The following MYB variants were observed in gnomAD, a reference collection of about 807,000 sequenced individuals.
MYB encodes MYB proto-oncogene, transcription factor.
MYB carries 28 observed loss-of-function variants against 92.9 expected under a neutral mutation model. That is an observed-to-expected ratio of 0.30 (90% CI 0.22 to 0.41). The LOEUF (loss-of-function observed/expected upper bound fraction) is 0.41. MYB is among the 10% of genes least tolerant of loss of function. MYB has a pLI of 1.00. For synonymous variants in MYB, 295 were observed against 329.1 expected (o/e 0.90, Z 1.12); for missense variants, 679 against 929.3 (o/e 0.73, Z 3.50).
In MYB at chr6:135,192,309, T is replaced by C. The variant is rs750122140; in HGVS notation, c.528-15T>C. 21 of 1,598,840 alleles carry C rather than the reference T, an allele frequency of 1.3e-5. No homozygotes were observed. Among genetic ancestry groups the C allele is most frequent in the Non-Finnish European group, 1.8e-5 (21 of 1,166,176 alleles). On this transcript the variant is annotated splice_polypyrimidine_tract_variant and intron_variant, in intron 5 of 15. Coordinates refer to ENST00000341911, the MANE Select transcript of MYB (RefSeq NM_001130173.2). ...ATTTTTGTTTGTGAAATTTGTGTGA[T>C]ATATTTCTGTGCAGAACTGATAATG...
chr6:135,200,873 T>G (rs921606417), intron 13 of MYB, among the ~76,000 whole-genome samples: 1 of 151,996 alleles, frequency 6.6e-6, no homozygotes, highest in African/African-American at 2.4e-5. Context: ...GGTCAGGAGT[T>G]CGAGATCATC....
In MYB at chr6:135,200,098, G is replaced by C; in HGVS notation, c.1723G>C (p.Ala575Pro). The C allele has an allele frequency of 6.2e-7, 1 of 1,613,834 alleles. No individual in the cohort carries two copies. Among genetic ancestry groups the C allele is most frequent in the Non-Finnish European group, 8.5e-7 (1 of 1,179,778 alleles). Residue 575 changes from alanine (A) to proline (P), a missense_variant, in exon 12 of 16, where the codon GCT becomes CCT. Physicochemically the swap from Ala to Pro is conservative, Grantham distance 27. Transcript: ENST00000341911. Reference sequence around the variant, plus strand: ...TTCTTTTTAAAGTTTTAGAACCCCAGCTATCAAAAGGTCAATCTTAGAAAG... The same window carrying C: ...TTCTTTTTAAAGTTTTAGAACCCCACCTATCAAAAGGTCAATCTTAGAAAG... The part of the protein sequence containing the change: ...QKENTVFRTP[A>P]IKRSILESSP...
At chr6:135,203,885 C>A (rs573125758) in intron 15 of MYB, 2 of 1,184,990 alleles carry the variant, frequency 1.7e-6, no homozygotes, top group Admixed American at 7.4e-5. Flanking sequence ...AAAGAGATTT[C>A]CCTTGTAACC....
At chr6:135,199,969 C>A in intron 11 of MYB, 116 bp from the exon 12 acceptor site, 5 of 782,940 alleles carry the variant, frequency 6.4e-6, no homozygotes, top group Middle Eastern at 2.5e-4. Context: ...CACCCCAATT[C>A]CATATCCGGA....
In MYB at chr6:135,195,833, T is replaced by C. The variant is rs1172354835; in HGVS notation, c.1034T>C (p.Val345Ala). The C allele has an allele frequency of 3.1e-6, 5 of 1,613,950 alleles. No individual in the cohort carries two copies. Among genetic ancestry groups the C allele is most frequent in the African/African-American group, 2.7e-5 (2 of 74,874 alleles). Residue 345 changes from valine to alanine, a missense_variant, in exon 9 of 16, where the codon GTT becomes GCT. Coordinates refer to ENST00000341911, the MANE Select transcript of MYB (RefSeq NM_001130173.2). The part of the protein sequence containing the change: ...HTRPHGDSAP[V>A]SCLGEHHSTP... The stretch of plus-strand genomic sequence containing the variant: ...AGACCTCATGGAGACAGTGCACCTG[T>C]TTCCTGTTTGGGAGAACACCACTCC...
At chr6:135,203,145 A>T in intron 14 of MYB, 72 bp from the exon 15 acceptor site, 1 of 1,100,206 alleles carries the variant, frequency 9.1e-7, no homozygotes, top group Non-Finnish European at 1.4e-6. Flanking sequence ...TCTACTCTCC[A>T]CAGTGTTAGA....
chr6:135,218,442 G>A lies in MYB; in HGVS notation c.*462G>A, dbSNP rs1780719856. The A allele has an allele frequency of 5.2e-6, 1 of 191,030 alleles. No homozygotes were observed. Among genetic ancestry groups the A allele is most frequent in the Non-Finnish European group, 1.1e-5 (1 of 91,148 alleles). 11.8% of individuals were successfully genotyped at this position (191,030 alleles called of 1,614,324 possible). On this transcript the variant is annotated 3_prime_UTR_variant, in exon 16 of 16. Coordinates refer to ENST00000341911, the MANE Select transcript of MYB (RefSeq NM_001130173.2). ...ACTCTAAGTGTAGACTTAATACCAT[G>A]TGACATTTAATCCAGATTGTAAATG...
At chr6:135,215,285 C>G (rs1473305952) in intron 15 of MYB, among the ~76,000 whole-genome samples, 1 of 152,218 alleles carries the variant, frequency 6.6e-6, no homozygotes, top group East Asian at 1.9e-4. Context: ...TCTCACACCC[C>G]ATCTCAGCAC....
intron 10 of MYB, 134 bp from the exon 11 acceptor site, chr6:135,198,774 T>C: frequency 1.5e-6 from 1 of 686,844 alleles, no homozygotes; most frequent in Middle Eastern, 3.5e-4. Flanking sequence ...CAATATAACA[T>C]GCTTGTTAGC....
intron 15 of MYB, chr6:135,203,814 C>T: frequency 3.1e-6 from 4 of 1,282,292 alleles, no homozygotes; most frequent in Non-Finnish European, 4.0e-6. Context: ...ATAAGAAAGT[C>T]AACTGTCAAT....
At position 135,190,358 on chromosome 6, in the gene MYB, G is replaced by T; in HGVS notation, c.527+11G>T. On this transcript the variant is annotated intron_variant, in intron 5 of 15. Coordinates refer to ENST00000341911, the MANE Select transcript of MYB (RefSeq NM_001130173.2). This position sits in a 1 kb window ranked among gnomAD's most constrained non-coding sequence, Gnocchi z 4.5. ...GCTACTGCCTGGACGGTAATAATAT[G>T]TCAAAAAATATATTGATCGGGAAGA... is the stretch of plus-strand genomic sequence containing the variant. The T allele has an allele frequency of 6.2e-7, 1 of 1,603,666 alleles. No individual in the cohort carries two copies. The highest frequency in any genetic ancestry group is 8.5e-7 in the Non-Finnish European group (1 of 1,171,350).
Position 135,196,066 on chromosome 6 carries a change from A to G in MYB, c.1203+64A>G, listed in dbSNP as rs1777251620. The stretch of plus-strand genomic sequence containing the variant: ...GATAAATTAGAAAACCCATTTCTTA[A>G]ATCATTGCCATTTTCTATAGCCAAG... On this transcript the variant is annotated intron_variant, in intron 9 of 15. Coordinates refer to ENST00000341911, the MANE Select transcript of MYB (RefSeq NM_001130173.2). 8 of 1,520,566 alleles carry G rather than the reference A, an allele frequency of 5.3e-6. No homozygotes were observed. In the East Asian group the frequency reaches 1.6e-4, roughly 30 times the overall value. The allele number at this position is 1,520,566 out of a possible 1,614,324, so 94.2% of individuals were successfully genotyped here. A position where few individuals can be genotyped will look rare whatever the true frequency, so the allele number is the denominator to read the frequency against.
In MYB at chr6:135,185,904, A is replaced by G. The variant is rs759941238; in HGVS notation, c.25A>G (p.Ile9Val). 2.7e-5 allele frequency: 44 copies of G among 1,611,466 alleles called. No individual in the cohort carries two copies. The highest frequency in any genetic ancestry group is 3.6e-5 in the Non-Finnish European group (42 of 1,177,762). MARRPRHS[I>V]YSSDEDDEDF... ...GTCTACCCATTCTTATTTCTGCAGC[A>G]TATATAGCAGTGACGAGGATGATGA... The change falls in exon 2 of 16, where the codon ATA becomes GTA. Residue 9 changes from isoleucine (I) to valine (V), a missense_variant and splice_region_variant. Coordinates refer to ENST00000341911, the MANE Select transcript of MYB (RefSeq NM_001130173.2).
intron 3 of MYB, 87 bp downstream of exon 3, chr6:135,187,992 T>G: frequency 2.1e-6 from 2 of 932,768 alleles, no homozygotes; most frequent in Admixed American, 4.7e-5. Flanking sequence ...ATTAAGATAG[T>G]GTATAATTTA....
In MYB at chr6:135,190,633, G is replaced by A. The variant is rs148336098; in HGVS notation, c.527+286G>A. On this transcript the variant is annotated intron_variant, in intron 5 of 15. Coordinates refer to ENST00000341911, the MANE Select transcript of MYB (RefSeq NM_001130173.2). This position sits in a 1 kb window ranked among gnomAD's most constrained non-coding sequence, Gnocchi z 4.5. ...CATACAGGGCCAGTGTTAGGATCAA[G>A]TAAAATGAATGTCAAAGGACTTGGT... 2.9e-3 allele frequency among the ~76,000 whole-genome samples: 443 copies of A among 152,284 alleles called. 2 individuals are homozygous for A. The highest frequency in any genetic ancestry group is 5.1e-3 in the Non-Finnish European group (346 of 68,026).
In MYB at chr6:135,192,456, G is replaced by A; in HGVS notation, c.660G>A (p.Leu220=). The change falls in exon 6 of 16, where the codon TTG becomes TTA. Residue 220 remains leucine, a synonymous_variant. Coordinates refer to ENST00000341911, the MANE Select transcript of MYB (RefSeq NM_001130173.2). ...VATSFQKNSH[L]MGFAQAPPTA... ...CAAGCTTCCAGAAGAACAGTCATTT[G>A]ATGGGTTTTGCTCAGGCTCCGCCTA... 1.2e-6 allele frequency: 2 copies of A among 1,614,260 alleles called. No individual in the cohort carries two copies. Among genetic ancestry groups the A allele is most frequent in the Non-Finnish European group, 1.7e-6 (2 of 1,180,044 alleles).
intron 5 of MYB, among the ~76,000 whole-genome samples, chr6:135,191,573 C>T (rs1253259983): frequency 3.3e-5 from 5 of 152,172 alleles, no homozygotes; most frequent in Non-Finnish European, 7.4e-5. Context: ...TCAAAATTAA[C>T]AGGGCTATTG....
chr6:135,207,187 A>G (rs1779062870), intron 15 of MYB, among the ~76,000 whole-genome samples: 1 of 152,236 alleles, frequency 6.6e-6, no homozygotes, highest in South Asian at 2.1e-4. Flanking sequence ...TATAATCTAT[A>G]ATTTTTGTAA....
rs370793023 is a variant in MYB, at chr6:135,190,949, A to G, written c.527+602A>G. On this transcript the variant is annotated intron_variant, in intron 5 of 15. Coordinates refer to ENST00000341911, the MANE Select transcript of MYB (RefSeq NM_001130173.2). This position sits in a 1 kb window ranked among gnomAD's most constrained non-coding sequence, Gnocchi z 4.5. Reference sequence around the variant, plus strand: ...GTAGCTAGGACTACAGGTGCACCCCACTACACCCAGCTGATTTTAAAATAT... The same window carrying G: ...GTAGCTAGGACTACAGGTGCACCCCGCTACACCCAGCTGATTTTAAAATAT... Among the ~76,000 whole-genome samples, 1 of 152,004 alleles carries G rather than the reference A, an allele frequency of 6.6e-6. No homozygotes were observed. The highest frequency in any genetic ancestry group is 1.5e-5 in the Non-Finnish European group (1 of 67,994).
Sources: allele counts gnomAD v4.1 joint callset (sites outside exome capture counted in the v4.1 genomes callset), GRCh38; gene constraint gnomAD v4.1.1; non-coding constraint Gnocchi (gnomAD v3.1); transcripts MANE v1.5; gene names NCBI Gene and HGNC (gene_info 2026-07-23, HGNC 2026-07-21).